Variants in MIB2 observed in about 807,000 individuals in gnomAD.
MIB2 encodes E3 ubiquitin-protein ligase MIB2.
Under a neutral mutation model 96.6 loss-of-function variants are expected in MIB2, and 78 were observed. The observed-to-expected ratio is 0.81, with a 90% CI of 0.67 to 0.97. MIB2 has a LOEUF of 0.97. Ranked by LOEUF, MIB2 falls within the 50% of genes least tolerant of loss-of-function variation. The pLI, the probability that MIB2 is intolerant of heterozygous loss-of-function variation, is 0.00. For synonymous variants in MIB2, 820 were observed against 629.5 expected (o/e 1.30, Z -4.53); for missense variants, 1,543 against 1,424.0 (o/e 1.08, Z -1.35).
In MIB2 at chr1:1,630,557, G is replaced by GCCTTCGC. The variant is rs766817304; in HGVS notation, c.*28_*34dup. 6.7e-7 allele frequency: 1 copy of GCCTTCGC among 1,485,348 alleles called. No homozygotes were observed. The highest frequency in any genetic ancestry group is 1.4e-5 in the African/African-American group (1 of 70,184). 92.0% of individuals were successfully genotyped at this position (1,485,348 alleles called of 1,614,324 possible). On this transcript the variant is annotated 3_prime_UTR_variant, in exon 20 of 20. Transcript: ENST00000355826. ...CCGCGCCGTCCGCCGCGCCCGAGCT[G>GCCTTCGC]CCTTCGCGTGCCCCCGCCCTGTGTT...
At chr1:1,623,126 C>T (rs548957894) in intron 2 of MIB2, 10 of 497,188 alleles carry the variant, frequency 2.0e-5, no homozygotes, top group East Asian at 1.1e-4. Context: ...GGTTTTCTTC[C>T]GAGAGCGTTA....
rs760707863 is a variant in MIB2, at chr1:1,627,132, G to A, written c.1299G>A (p.Pro433=). The A allele has an allele frequency of 3.3e-5, 52 of 1,596,776 alleles. No individual in the cohort carries two copies. In the African/African-American group the frequency reaches 4.0e-4, roughly 12 times the overall value. The part of the protein sequence containing the change: ...LRAQKSDPEH[P]GRLVVEVALG... ...CCCAGAAGAGTGACCCAGAGCACCCGGGAAGGCTGGTGGTGGAGGTGGCGC... is the reference window on the plus strand; with the variant it reads ...CCCAGAAGAGTGACCCAGAGCACCCAGGAAGGCTGGTGGTGGAGGTGGCGC... Residue 433 remains proline (P), a synonymous_variant, in exon 11 of 20, where the codon CCG becomes CCA. Transcript: ENST00000355826.
chr1:1,617,695 G>C (rs1474518603), intron 2 of MIB2: 1 of 152,168 alleles, frequency 6.6e-6, no homozygotes, highest in East Asian at 1.9e-4. Flanking sequence ...ACGCTGCCTC[G>C]AGGCTGGTGT....
At chr1:1,624,117 C>T (rs1644518285) in intron 4 of MIB2, 172 bp downstream of exon 4, 1 of 777,976 alleles carries the variant, frequency 1.3e-6, no homozygotes. Flanking sequence ...AGAGGGTGGC[C>T]TCTGGGTGGC....
Position 1,630,483 on chromosome 1 carries a change from C to T in MIB2, c.2821C>T (p.Pro941Ser). 1.3e-6 allele frequency: 2 copies of T among 1,595,148 alleles called. No individual in the cohort carries two copies. Residue 941 changes from proline to serine, a missense_variant, in exon 20 of 20, where the codon CCC becomes TCC. Transcript: ENST00000355826. ...APCGSALSACPICRQPIRDRI... is the reference protein window; with the variant it reads ...APCGSALSACSICRQPIRDRI... ...CTGCGGCTCCGCGCTCAGCGCCTGC[C>T]CCATCTGCCGCCAGCCCATCCGCGA...
At position 1,623,982 on chromosome 1, in the gene MIB2, T is replaced by C. The variant is rs376937925; in HGVS notation, c.419+37T>C. On this transcript the variant is annotated intron_variant, in intron 4 of 19. Transcript: ENST00000355826. ...GCCGCACCGGCTCCTGTGCGGCGGG[T>C]ACCCAGGCCTTGCCACTGGGGCCTT... 28 of 1,571,618 alleles carry C rather than the reference T, an allele frequency of 1.8e-5. No individual in the cohort carries two copies. In the African/African-American group the frequency reaches 3.5e-4, roughly 20 times the overall value.
chr1:1,625,466 C>CAG lies in MIB2; in HGVS notation c.864+38_864+39insAG. The CAG allele has an allele frequency of 6.4e-7, 1 of 1,555,432 alleles. No individual in the cohort carries two copies. The highest frequency in any genetic ancestry group is 8.7e-7 in the Non-Finnish European group (1 of 1,148,166). ...GCCGTGGAGCCCTGTGTGCCCTGCCCTCCCAGCCCTCCGCCCCCTCAGCCC... is the reference window on the plus strand; with the variant it reads ...GCCGTGGAGCCCTGTGTGCCCTGCCCAGTCCCAGCCCTCCGCCCCCTCAGCCC... On this transcript the variant is annotated intron_variant, in intron 7 of 19. Transcript: ENST00000355826. The surrounding 1 kb of genome is among the most constrained non-coding windows in gnomAD (Gnocchi z 5.0).
upstream of MIB2, chr1:1,614,286 C>T (rs778310628): frequency 1.3e-5 from 2 of 152,232 alleles, no homozygotes; most frequent in Admixed American, 6.5e-5. Context: ...CCTCACAAGA[C>T]GCTCCTGCAC....
rs754693322 is a variant in MIB2, at chr1:1,629,250, C to T, written c.2320C>T (p.Leu774=). 2.6e-6 allele frequency: 4 copies of T among 1,545,898 alleles called. No homozygotes were observed. Among genetic ancestry groups the T allele is most frequent in the Non-Finnish European group, 3.5e-6 (4 of 1,157,134 alleles). Residue 774 remains leucine, a synonymous_variant, in exon 17 of 20, where the codon CTG becomes TTG. Transcript: ENST00000355826. ...SYTNHRGRSP[L]DLAAEGRVLK... ...CACCAACCACCGCGGTCGGAGCCCGCTGGACCTGGCCGCCGAGGGTCGCGT... is the reference window on the plus strand; with the variant it reads ...CACCAACCACCGCGGTCGGAGCCCGTTGGACCTGGCCGCCGAGGGTCGCGT...
In MIB2 at chr1:1,628,575, G is replaced by A. The variant is rs374793754; in HGVS notation, c.2055G>A (p.Pro685=). 6.5e-5 allele frequency: 104 copies of A among 1,600,542 alleles called. 1 individual carries two copies. The South Asian group carries it at 9.8e-4, about 15-fold the overall frequency. Residue 685 remains proline, a synonymous_variant, in exon 16 of 20, where the codon CCG becomes CCA. Transcript: ENST00000355826. The stretch of plus-strand genomic sequence containing the variant: ...AACAGGCCCACGTGGGGCTGGTGCC[G>A]CTACTGGTGGACGCTGGGTGCAGTG... ...AVQQAHVGLV[P]LLVDAGCSVN...
chr1:1,624,100 AGGGCACAGAGGGTGGCCTCT>A, intron 4 of MIB2, 155 bp downstream of exon 4: 1 of 915,386 alleles, frequency 1.1e-6, no homozygotes, highest in Non-Finnish European at 1.6e-6. Context: ...TGCCATGGGC[AGGGCACAGAGGGTGGCCTCT>A]GGGTGGCTCT....
Position 1,625,418 on chromosome 1 carries a change from G to C in MIB2, c.854G>C (p.Arg285Thr). The C allele has an allele frequency of 6.4e-7, 1 of 1,571,936 alleles. No homozygotes were observed. The highest frequency in any genetic ancestry group is 8.6e-7 in the Non-Finnish European group (1 of 1,160,974). The change falls in exon 7 of 20, where the codon AGG becomes ACG. Residue 285 changes from arginine (R) to threonine (T), a missense_variant. By Grantham distance (71) the Arg-to-Thr change is moderately conservative (BLOSUM62 -1). Transcript: ENST00000355826. The surrounding 1 kb of genome is among the most constrained non-coding windows in gnomAD (Gnocchi z 5.0). ...GAAGGCCACGGCGGCTGGAACCCCA[G>C]GATGGCGGAGGTGAGCCGCCCCGCC... ...MQEGHGGWNP[R>T]MAEFIGQTGT...
Position 1,626,516 on chromosome 1 carries a change from T to TGGGGTCGGGGTC in MIB2, c.973-129_973-118dup, listed in dbSNP as rs1185335486. 1.5e-5 allele frequency: 11 copies of TGGGGTCGGGGTC among 723,866 alleles called. No individual in the cohort carries two copies. The highest frequency in any genetic ancestry group is 2.2e-5 in the Non-Finnish European group (10 of 451,020). 44.8% of individuals were successfully genotyped at this position (723,866 alleles called of 1,614,324 possible). ...TCCAGCCAGAGCCTCTGGCAGTGCCTGGGGTCGGGGTCGGGGCCGGGGCCG... is the reference window on the plus strand; with the variant it reads ...TCCAGCCAGAGCCTCTGGCAGTGCCTGGGGTCGGGGTCGGGGTCGGGGTCGGGGCCGGGGCCG... On this transcript the variant is annotated intron_variant, in intron 8 of 19. Coordinates refer to ENST00000355826, the MANE Select transcript of MIB2 (RefSeq NM_001170687.4). The surrounding 1 kb of genome is among the most constrained non-coding windows in gnomAD (Gnocchi z 5.3).
Position 1,627,729 on chromosome 1 carries a change from TCAA to T in MIB2, c.1583_1585del (p.Asn528del), listed in dbSNP as rs1644943223. 6.3e-7 allele frequency: 1 copy of T among 1,595,872 alleles called. No homozygotes were observed. Among genetic ancestry groups the T allele is most frequent in the East Asian group, 2.2e-5 (1 of 44,740 alleles). On this transcript the variant is annotated inframe_deletion, in exon 13 of 20. Transcript: ENST00000355826. ...AGTGCTGGGTGCCGGGCGGACGCCA[TCAA>T]CAGCACCCAGAGCACAGCACTGCAC...
chr1:1,620,334 C>T (rs1569649185), intron 2 of MIB2, among the ~76,000 whole-genome samples: 1 of 152,264 alleles, frequency 6.6e-6, no homozygotes, highest in East Asian at 1.9e-4. Context: ...CCTTCATCTC[C>T]ATTGCCGGGC....
Position 1,629,306 on chromosome 1 carries a change from C to T in MIB2, c.2376C>T (p.Arg792=). The change falls in exon 17 of 20, where the codon CGC becomes CGT. Residue 792 remains arginine, a synonymous_variant. Transcript: ENST00000355826. ...VLKALQGCAQ[R]FRERQAGGGA... ...AGGCCCTTCAGGGCTGCGCCCAGCG[C>T]TTCCGGTGAGTCCGTGGACGGCGGG... The T allele has an allele frequency of 6.7e-7, 1 of 1,497,080 alleles. No individual in the cohort carries two copies. The highest frequency in any genetic ancestry group is 8.8e-7 in the Non-Finnish European group (1 of 1,138,826). The allele number at this position is 1,497,080 out of a possible 1,614,324, so 92.7% of individuals were successfully genotyped here.
chr1:1,618,401 T>A (rs973546764), intron 2 of MIB2: 3 of 152,376 alleles, frequency 2.0e-5, no homozygotes, highest in African/African-American at 4.8e-5. Context: ...GAGGGGCCCT[T>A]GGGGGAACAT....
chr1:1,629,747 G>A, intron 19 of MIB2, 43 bp downstream of exon 19: 3 of 1,524,462 alleles, frequency 2.0e-6, no homozygotes, highest in East Asian at 2.4e-5. Context: ...CTGCTCAGCT[G>A]GTGGCCCGCG....
chr1:1,629,042 C>A, intron 16 of MIB2, 91 bp from the exon 17 acceptor site: 1 of 1,286,152 alleles, frequency 7.8e-7, no homozygotes, highest in Non-Finnish European at 1.0e-6. Context: ...AGACATGGGG[C>A]GCCGGCTGCT....
Sources: gnomAD v4.1 joint callset for allele counts (sites outside exome capture counted in the v4.1 genomes callset) on GRCh38, gnomAD v4.1.1 for gene constraint, Gnocchi (gnomAD v3.1) non-coding constraint, MANE v1.5 for transcripts, NCBI Gene and HGNC (gene_info 2026-07-23, HGNC 2026-07-21) for gene names.